Variants in ZNF469 observed in about 807,000 individuals in gnomAD.
ZNF469 encodes the protein zinc finger protein 469.
Under a neutral mutation model 1.0 loss-of-function variants are expected in ZNF469, and 1 was observed. The ratio of observed to expected loss-of-function variants is 1.00; its 90% CI spans 0.35 to 4.73. ZNF469 has a LOEUF of 4.73. Among genes scored for constraint, ZNF469 ranks in the 30% most tolerant of loss-of-function variants. The pLI, the probability that ZNF469 is intolerant of heterozygous loss-of-function variation, is 0.16. For synonymous variants in ZNF469, 2,703 were observed against 2,363.4 expected, an observed-to-expected ratio of 1.14 and a Z score of -4.17; for missense variants, 6,100 against 5,356.3, an observed-to-expected ratio of 1.14 and a Z score of -4.33.
the ZNF469 span, among the ~76,000 whole-genome samples, chr16:88,352,483 A>C: frequency 6.6e-6 from 1 of 152,318 alleles, no homozygotes; most frequent in African/African-American, 2.4e-5. Flanking sequence ...GCTGACGGGC[A>C]CGGAAGGGCA....
At chr16:88,427,295 G>A (rs1015570026) in intron 2 of ZNF469, among the ~76,000 whole-genome samples, 50 bp from the exon 3 acceptor site, 6 of 152,144 alleles carry the variant, frequency 3.9e-5, no homozygotes, top group East Asian at 1.9e-4. Flanking sequence ...CTGTCTAGGC[G>A]AGGGCCACCC....
the ZNF469 span, among the ~76,000 whole-genome samples, chr16:88,156,939 G>A: frequency 3.3e-5 from 5 of 152,186 alleles, no homozygotes; most frequent in Admixed American, 6.5e-5. Flanking sequence ...ATGATCTCAG[G>A]TGAGGGGCAG....
chr16:88,365,245 T>C, the ZNF469 span, among the ~76,000 whole-genome samples: 2 of 152,184 alleles, frequency 1.3e-5, no homozygotes, highest in South Asian at 2.1e-4. Context: ...ATTAGTTGTG[T>C]TCAACTCCCA....
chr16:88,132,475 G>A, the ZNF469 span, among the ~76,000 whole-genome samples: 5,248 of 151,850 alleles, frequency 0.035, 3 homozygotes, highest in African/African-American at 0.12. Flanking sequence ...CATGGGGCTC[G>A]AGAGACTGAG....
the ZNF469 span, among the ~76,000 whole-genome samples, chr16:88,102,624 G>A: frequency 1.8e-4 from 28 of 152,360 alleles, no homozygotes; most frequent in African/African-American, 4.3e-4. Flanking sequence ...GGTCCCATCC[G>A]TCCTCACAGC....
In ZNF469 at chr16:88,434,235, T is replaced by C; in HGVS notation, c.6765T>C (p.Asp2255=). The C allele has an allele frequency of 6.5e-7, 1 of 1,550,318 alleles. No homozygotes were observed. The highest frequency in any genetic ancestry group is 8.7e-7 in the Non-Finnish European group (1 of 1,146,950). The stretch of plus-strand genomic sequence containing the variant: ...ACAGCACTTTAAGAATTCCAGAGGA[T>C]TCCAGAAAAGAGAAGCTGTGGGAGT... The part of the protein sequence containing the change: ...PKDSTLRIPE[D]SRKEKLWESP... The change falls in exon 3 of 3, where the codon GAT becomes GAC. Residue 2255 remains aspartate (D), a synonymous_variant. Coordinates refer to ENST00000565624, the MANE Select transcript of ZNF469 (RefSeq NM_001367624.2).
the ZNF469 span, among the ~76,000 whole-genome samples, chr16:88,315,597 C>T: frequency 1.3e-5 from 2 of 152,176 alleles, no homozygotes; most frequent in South Asian, 4.1e-4. Context: ...AGCTCTCAGG[C>T]CTCCCTGTGA....
the ZNF469 span, among the ~76,000 whole-genome samples, chr16:88,150,248 T>G: frequency 6.6e-6 from 1 of 151,474 alleles, no homozygotes; most frequent in East Asian, 1.9e-4. Context: ...AGGCGGAGGT[T>G]GCAGTGAACC....
the ZNF469 span, among the ~76,000 whole-genome samples, chr16:88,242,159 G>C: frequency 6.6e-6 from 1 of 152,336 alleles, no homozygotes; most frequent in Non-Finnish European, 1.5e-5. Flanking sequence ...CCAGCGCTCT[G>C]CAACCGGCTC....
the ZNF469 span, among the ~76,000 whole-genome samples, chr16:88,366,833 C>A: frequency 2.0e-5 from 3 of 151,282 alleles, no homozygotes; most frequent in South Asian, 6.3e-4. Flanking sequence ...TCNCCATAAC[C>A]ATCATCATTA....
At chr16:88,329,907 C>T in the ZNF469 span, among the ~76,000 whole-genome samples, 48 of 152,194 alleles carry the variant, frequency 3.2e-4, no homozygotes, top group African/African-American at 1.1e-3. Context: ...ACAAGCACCA[C>T]GGGCGCCCAC....
the ZNF469 span, among the ~76,000 whole-genome samples, chr16:88,126,050 G>C: frequency 6.6e-6 from 1 of 151,730 alleles, no homozygotes; most frequent in African/African-American, 2.4e-5. Context: ...TTAGCTGGGA[G>C]TGGTGGTGGG....
At chr16:88,426,072 G>A (rs556356023) in intron 2 of ZNF469, among the ~76,000 whole-genome samples, 3 of 152,366 alleles carry the variant, frequency 2.0e-5, no homozygotes, top group Non-Finnish European at 2.9e-5. Context: ...CTGTAGTGCG[G>A]GAACTCCGGG....
intron 1 of ZNF469, among the ~76,000 whole-genome samples, chr16:88,412,265 CG>C (rs1567504240): frequency 6.6e-6 from 1 of 152,236 alleles, no homozygotes; most frequent in Non-Finnish European, 1.5e-5. Context: ...CAGGCCTCTG[CG>C]CAGCCTCAGA....
upstream of ZNF469, among the ~76,000 whole-genome samples, chr16:88,380,134 GACAC>G (rs1171410398): frequency 1.1e-4 from 10 of 89,216 alleles, no homozygotes; most frequent in Middle Eastern, 6.2e-3. Context: ...CACACACACA[GACAC>G]ACACTCACAC....
chr16:88,213,320 C>G, the ZNF469 span, among the ~76,000 whole-genome samples: 1 of 152,052 alleles, frequency 6.6e-6, no homozygotes. Flanking sequence ...AGGATGGTCT[C>G]GATCTCCTGA....
At chr16:88,393,248 G>A (rs1279497724) in intron 1 of ZNF469, among the ~76,000 whole-genome samples, 2 of 152,258 alleles carry the variant, frequency 1.3e-5, no homozygotes, top group Non-Finnish European at 2.9e-5. Flanking sequence ...TCCGTGCCCG[G>A]CCAAGCGGTC....
At chr16:88,232,965 G>A in the ZNF469 span, among the ~76,000 whole-genome samples, 10 of 152,198 alleles carry the variant, frequency 6.6e-5, no homozygotes, top group South Asian at 2.1e-4. Context: ...ACCTCCAGCC[G>A]GGTGCAGGCT....
At chr16:88,364,345 T>C in the ZNF469 span, among the ~76,000 whole-genome samples, 1 of 152,186 alleles carries the variant, frequency 6.6e-6, no homozygotes, top group African/African-American at 2.4e-5. Flanking sequence ...AATATCACTG[T>C]TTTCATTACT....
Sources: allele counts gnomAD v4.1 joint callset (sites outside exome capture counted in the v4.1 genomes callset), GRCh38; gene constraint gnomAD v4.1.1; transcripts MANE v1.5; gene names NCBI Gene and HGNC (gene_info 2026-07-23, HGNC 2026-07-21).